PTPRD: variants seen among roughly 807,000 people sequenced by gnomAD.
PTPRD encodes receptor-type tyrosine-protein phosphatase delta.
In PTPRD, 34 loss-of-function variants were observed where a neutral mutation model predicts 214.5. The ratio of observed to expected loss-of-function variants is 0.16; its 90% CI spans 0.12 to 0.21. The LOEUF is 0.21. Ranked by LOEUF, PTPRD falls within the 10% of genes least tolerant of loss-of-function variation. The pLI, the probability that PTPRD is intolerant of heterozygous loss-of-function variation, is 1.00. For synonymous variants in PTPRD, 1,128 were observed against 845.7 expected, an observed-to-expected ratio of 1.33 and a Z score of -5.79; for missense variants, 2,545 against 2,398.7, an observed-to-expected ratio of 1.06 and a Z score of -1.27.
At chr9:8,505,094 C>A (rs1050878279) in intron 22 of PTPRD, among the ~76,000 whole-genome samples, 3 of 152,268 alleles carry the variant, frequency 2.0e-5, no homozygotes, top group African/African-American at 7.2e-5. Context: ...AAAATAGATT[C>A]ACAAATGTTT....
At position 8,491,004 on chromosome 9, in the gene PTPRD, A is replaced by G. The variant is rs137959141; in HGVS notation, c.2467+1858T>C. Among the ~76,000 whole-genome samples the G allele has an allele frequency of 2.5e-4, 38 of 152,368 alleles. No homozygotes were observed. The Middle Eastern group carries it at 0.01, about 41-fold the overall frequency. On this transcript the variant is annotated intron_variant, in intron 27 of 45. Coordinates refer to ENST00000381196, the MANE Select transcript of PTPRD (RefSeq NM_002839.4). ...TATACGAGGATTTTTAATACAGTAGACAAAACAAATTGATATATTCACTAA... is the reference window on the plus strand; with the variant it reads ...TATACGAGGATTTTTAATACAGTAGGCAAAACAAATTGATATATTCACTAA...
At chr9:10,233,349 G>T (rs933454830) in intron 3 of PTPRD, among the ~76,000 whole-genome samples, 5 of 151,904 alleles carry the variant, frequency 3.3e-5, no homozygotes, top group Non-Finnish European at 7.4e-5. Context: ...TCATTGTTTT[G>T]TGTTCTCTGA....
At position 9,511,277 on chromosome 9, in the gene PTPRD, A is replaced by G. The variant is rs2096702068; in HGVS notation, c.-237+63455T>C. Among the ~76,000 whole-genome samples the G allele has an allele frequency of 2.6e-5, 4 of 151,772 alleles. No individual in the cohort carries two copies. In the South Asian group the frequency reaches 8.3e-4, roughly 31 times the overall value. On this transcript the variant is annotated intron_variant, in intron 8 of 45. Coordinates refer to ENST00000381196, the MANE Select transcript of PTPRD (RefSeq NM_002839.4). ...AAAGAGTACACGTACTGATCACTAA[A>G]CAGGTATTGACAAATTGGTAACATG...
chr9:9,898,742 T>C (rs1308219025), intron 5 of PTPRD, among the ~76,000 whole-genome samples: 5 of 152,138 alleles, frequency 3.3e-5, no homozygotes, highest in African/African-American at 4.8e-5. Context: ...AACCATATGC[T>C]GTAATATATT....
intron 35 of PTPRD, among the ~76,000 whole-genome samples, chr9:8,406,592 C>T (rs2093004263): frequency 6.6e-6 from 1 of 152,174 alleles, no homozygotes. Context: ...CTACACTACA[C>T]CTGGCTCAGT....
intron 7 of PTPRD, among the ~76,000 whole-genome samples, chr9:9,733,314 A>G (rs1239359949): frequency 2.0e-5 from 3 of 152,168 alleles, no homozygotes; most frequent in Admixed American, 6.5e-5. Flanking sequence ...CAAAGCATAC[A>G]TCTCTATGGG....
At chr9:10,509,337 T>C (rs2047158301) in intron 2 of PTPRD, among the ~76,000 whole-genome samples, 1 of 151,618 alleles carries the variant, frequency 6.6e-6, no homozygotes, top group Non-Finnish European at 1.5e-5. Flanking sequence ...ATAATACTCA[T>C]ATTTGATTCA....
chr9:10,581,347 T>C (rs1216335883), intron 2 of PTPRD, among the ~76,000 whole-genome samples: 1 of 152,228 alleles, frequency 6.6e-6, no homozygotes, highest in Non-Finnish European at 1.5e-5. Context: ...AATATTTTTC[T>C]TGCATCTACT....
At chr9:10,327,894 T>G (rs1951785) in intron 3 of PTPRD, among the ~76,000 whole-genome samples, 1 of 151,680 alleles carries the variant, frequency 6.6e-6, no homozygotes, top group Admixed American at 6.6e-5. Flanking sequence ...TTGATACCTA[T>G]TTGAAAGAAC....
At chr9:9,336,939 T>C (rs1039220740) in intron 9 of PTPRD, among the ~76,000 whole-genome samples, 1 of 152,206 alleles carries the variant, frequency 6.6e-6, no homozygotes, top group Non-Finnish European at 1.5e-5. Flanking sequence ...ATATAACAGC[T>C]GTATATTTTT....
chr9:10,162,496 G>C (rs1227702985), intron 3 of PTPRD, among the ~76,000 whole-genome samples: 7 of 150,760 alleles, frequency 4.6e-5, no homozygotes, highest in Non-Finnish European at 1.0e-4. Flanking sequence ...TAAAAAAGGA[G>C]ATCTTATGAA....
chr9:9,935,492 TAAA>T lies in PTPRD; in HGVS notation c.-368+3012_-368+3014del, dbSNP rs1055496277. Among the ~76,000 whole-genome samples the T allele has an allele frequency of 7.0e-4, 106 of 152,094 alleles. 1 individual carries two copies. The highest frequency in any genetic ancestry group is 6.8e-3 in the Middle Eastern group (2 of 294). ...CCATTCACAATTGCTTCAAAGAGAA[TAAA>T]ATACCTAGGAATTCAACTTACAAGG... is the stretch of plus-strand genomic sequence containing the variant. On this transcript the variant is annotated intron_variant, in intron 5 of 45. Coordinates refer to ENST00000381196, the MANE Select transcript of PTPRD (RefSeq NM_002839.4).
intron 4 of PTPRD, among the ~76,000 whole-genome samples, chr9:10,018,981 T>G (rs2096786563): frequency 6.6e-6 from 1 of 151,908 alleles, no homozygotes; most frequent in African/African-American, 2.4e-5. Flanking sequence ...ACCATCAGAG[T>G]GAACAGGCAA....
At chr9:9,750,152 T>C (rs1356700758) in intron 6 of PTPRD, among the ~76,000 whole-genome samples, 1 of 152,180 alleles carries the variant, frequency 6.6e-6, no homozygotes, top group African/African-American at 2.4e-5. Context: ...AATCCTTTAT[T>C]CCTCTCTCTA....
At chr9:9,214,354 T>C (rs1045320777) in intron 9 of PTPRD, among the ~76,000 whole-genome samples, 2 of 152,240 alleles carry the variant, frequency 1.3e-5, no homozygotes, top group East Asian at 3.9e-4. Context: ...ACAAATTGCA[T>C]TTTCAGCATT....
chr9:10,171,618 G>T (rs1469242022), intron 3 of PTPRD, among the ~76,000 whole-genome samples: 1 of 152,080 alleles, frequency 6.6e-6, no homozygotes, highest in Non-Finnish European at 1.5e-5. Context: ...TCCGCCTCCC[G>T]GGTTCACGCC....
intron 30 of PTPRD, among the ~76,000 whole-genome samples, chr9:8,482,658 C>T (rs906461210): frequency 7.9e-5 from 12 of 152,182 alleles, no homozygotes; most frequent in African/African-American, 2.7e-4. Flanking sequence ...TATCATGCCA[C>T]TCTCCTGTGT....
chr9:10,285,875 C>T (rs2154397048), intron 3 of PTPRD, among the ~76,000 whole-genome samples: 1 of 152,122 alleles, frequency 6.6e-6, no homozygotes, highest in South Asian at 2.1e-4. Flanking sequence ...TCCCAAAGTG[C>T]TGGGATACAG....
At position 9,035,453 on chromosome 9, in the gene PTPRD, C is replaced by T. The variant is rs371003462; in HGVS notation, c.-142-16718G>A. Among the ~76,000 whole-genome samples the T allele has an allele frequency of 2.6e-5, 4 of 152,070 alleles. No individual in the cohort carries two copies. In the East Asian group the frequency reaches 5.9e-4, roughly 22 times the overall value. ...AATGTAAATATCAAAGGGGAAGGTG[C>T]CCCCATCCTACAATTTTCCATGGGA... On this transcript the variant is annotated intron_variant, in intron 10 of 45. Transcript: ENST00000381196.
Sources: gnomAD v4.1 joint callset for allele counts (sites outside exome capture counted in the v4.1 genomes callset) on GRCh38, gnomAD v4.1.1 for gene constraint, MANE v1.5 for transcripts, NCBI Gene and HGNC (gene_info 2026-07-23, HGNC 2026-07-21) for gene names.